Variants in GOLGA7 observed in about 807,000 individuals in gnomAD.
GOLGA7 encodes golgin A7, also known as golgin subfamily A member 7.
In GOLGA7, 10 loss-of-function variants were observed where a neutral mutation model predicts 21.1. The observed-to-expected ratio is 0.47, with a 90% confidence interval of 0.29 to 0.80. GOLGA7 has a LOEUF of 0.80. Among genes scored for constraint, GOLGA7 ranks in the 30% least tolerant of loss-of-function variants. The pLI is 0.08. For missense variants in GOLGA7, 114 were observed against 166.8 expected (o/e 0.68, Z 1.74); for synonymous variants, 64 against 62.6 (o/e 1.02, Z -0.10).
At chr8:41,499,345 A>T (rs369695742) in intron 2 of GOLGA7, among the ~76,000 whole-genome samples, 93 of 152,304 alleles carry the variant, frequency 6.1e-4, no homozygotes, top group African/African-American at 2.2e-3. Context: ...TGTTAGCTCA[A>T]TTAGACCCCT....
Position 41,497,489 on chromosome 8 carries a change from A to T in GOLGA7, c.112-20A>T. 1 of 1,346,646 alleles carries T rather than the reference A, an allele frequency of 7.4e-7. No homozygotes were observed. The highest frequency in any genetic ancestry group is 1.0e-6 in the Non-Finnish European group (1 of 981,204). The allele number at this position is 1,346,646 out of a possible 1,614,324, so 83.4% of individuals were successfully genotyped here. ...TTTTTTTTTCCAAAACTTAATTTTT[A>T]AATATTTTCTTCTCTACAGATTGAT... On this transcript the variant is annotated intron_variant, in intron 1 of 4. Transcript: ENST00000357743.
intron 2 of GOLGA7, among the ~76,000 whole-genome samples, chr8:41,498,410 A>G (rs979904539): frequency 7.9e-5 from 12 of 152,136 alleles, no homozygotes; most frequent in African/African-American, 2.7e-4. Flanking sequence ...CCACTGAGTA[A>G]AATTCAAGGC....
chr8:41,492,812 A>G (rs1228204154), intron 1 of GOLGA7, among the ~76,000 whole-genome samples: 1 of 152,256 alleles, frequency 6.6e-6, no homozygotes, highest in East Asian at 1.9e-4. Context: ...GACATTAAAG[A>G]TTCCTTTGCT....
chr8:41,498,199 A>C (rs1034105239), intron 2 of GOLGA7, among the ~76,000 whole-genome samples: 1 of 152,176 alleles, frequency 6.6e-6, no homozygotes, highest in Non-Finnish European at 1.5e-5. Flanking sequence ...CCAGTCATTA[A>C]CTTTTTGTGA....
chr8:41,508,176 A>G (rs1316838158), intron 4 of GOLGA7, among the ~76,000 whole-genome samples: 1 of 152,244 alleles, frequency 6.6e-6, no homozygotes, highest in Non-Finnish European at 1.5e-5. Flanking sequence ...ACTTCCTCTC[A>G]GTACTTGCAG....
At chr8:41,507,833 T>C (rs1806325112) in intron 4 of GOLGA7, among the ~76,000 whole-genome samples, 1 of 152,210 alleles carries the variant, frequency 6.6e-6, no homozygotes, top group Non-Finnish European at 1.5e-5. Flanking sequence ...CAGAAAGTGT[T>C]CTGCTGCTGC....
At chr8:41,490,551 CT>C, upstream of GOLGA7, 1 of 387,906 alleles carries the variant, frequency 2.6e-6, no homozygotes, top group South Asian at 3.2e-5. Context: ...GGGGAAGAGG[CT>C]TTTTGCGGCA....
At chr8:41,495,278 G>GT (rs892255943) in intron 1 of GOLGA7, among the ~76,000 whole-genome samples, 2 of 148,832 alleles carry the variant, frequency 1.3e-5, no homozygotes, top group Non-Finnish European at 3.0e-5. Flanking sequence ...TATGTTGAGG[G>GT]TTTTTTTTCT....
chr8:41,502,057 C>G (rs1806161931), intron 2 of GOLGA7, among the ~76,000 whole-genome samples: 1 of 152,164 alleles, frequency 6.6e-6, no homozygotes, highest in Non-Finnish European at 1.5e-5. Flanking sequence ...AAATTTAAGG[C>G]ATGGCCACAT....
chr8:41,496,603 G>A (rs750914936), intron 1 of GOLGA7, among the ~76,000 whole-genome samples: 1 of 151,420 alleles, frequency 6.6e-6, no homozygotes, highest in Non-Finnish European at 1.5e-5. Context: ...GAGATAGGCT[G>A]AGTAAACAGA....
At chr8:41,505,497 AG>A (rs1447433995) in intron 2 of GOLGA7, among the ~76,000 whole-genome samples, 2 of 152,356 alleles carry the variant, frequency 1.3e-5, no homozygotes, top group East Asian at 3.9e-4. Flanking sequence ...GTAAAAGGCA[AG>A]GCCAAGAACT....
At chr8:41,497,146 G>A (rs905153376) in intron 1 of GOLGA7, among the ~76,000 whole-genome samples, 1 of 151,066 alleles carries the variant, frequency 6.6e-6, no homozygotes. Context: ...TGCCTGTTCT[G>A]CTTGCATAAT....
intron 1 of GOLGA7, among the ~76,000 whole-genome samples, chr8:41,495,602 T>G (rs773219755): frequency 6.6e-4 from 98 of 148,070 alleles, no homozygotes; most frequent in Non-Finnish European, 1.1e-3. Context: ...TTTTTCTGAG[T>G]CGGTTTCTAT....
At position 41,509,853 on chromosome 8, in the gene GOLGA7, T is replaced by C. The variant is rs1448163951; in HGVS notation, c.*285T>C. ...CTTCACTTTTTTTTATTCAAAGCCATTTAATAAAACACAGTTGGTCAGCCC... is the reference window on the plus strand; with the variant it reads ...CTTCACTTTTTTTTATTCAAAGCCACTTAATAAAACACAGTTGGTCAGCCC... On this transcript the variant is annotated 3_prime_UTR_variant, in exon 5 of 5. Coordinates refer to ENST00000357743, the MANE Select transcript of GOLGA7 (RefSeq NM_001002296.2). 2 of 152,612 alleles carry C rather than the reference T, an allele frequency of 1.3e-5. No homozygotes were observed. The highest frequency in any genetic ancestry group is 4.8e-5 in the African/African-American group (2 of 41,428). 9.5% of individuals were successfully genotyped at this position (152,612 alleles called of 1,614,324 possible). A position where few individuals can be genotyped will look rare whatever the true frequency, so the allele number is the denominator to read the frequency against.
At position 41,506,980 on chromosome 8, in the gene GOLGA7, A is replaced by C. The variant is rs895680017; in HGVS notation, c.367-79A>C. 3.8e-6 allele frequency: 3 copies of C among 779,228 alleles called. No individual in the cohort carries two copies. In the Admixed American group the frequency reaches 5.5e-5, roughly 14 times the overall value. The allele number at this position is 779,228 out of a possible 1,614,324, so 48.3% of individuals were successfully genotyped here. On this transcript the variant is annotated intron_variant, in intron 3 of 4. Transcript: ENST00000357743. ...AGCAAACTGAAAGCAAAGTCTGCAG[A>C]TCACACCCTCCACCTTGCCAAGTCC... is the stretch of plus-strand genomic sequence containing the variant.
At chr8:41,504,115 T>G (rs1585603842) in intron 2 of GOLGA7, among the ~76,000 whole-genome samples, 1 of 19,654 alleles carries the variant, frequency 5.1e-5, no homozygotes. Flanking sequence ...AAACTTAGAG[T>G]ATAATAAAAA....
In GOLGA7 at chr8:41,510,485, A is replaced by ATTT; in HGVS notation, c.*920_*922dup. ...ATAGGAATAATACTGTATATTACTA[A>ATTT]TTTTTAACTATCCCTAAGGCAAACC... On this transcript the variant is annotated 3_prime_UTR_variant, in exon 5 of 5. Coordinates refer to ENST00000357743, the MANE Select transcript of GOLGA7 (RefSeq NM_001002296.2). 1.3e-5 allele frequency: 2 copies of ATTT among 152,758 alleles called. No homozygotes were observed. The highest frequency in any genetic ancestry group is 4.1e-4 in the South Asian group (2 of 4,834). 9.5% of individuals were successfully genotyped at this position (152,758 alleles called of 1,614,324 possible).
chr8:41,504,413 A>G (rs1467716179), intron 2 of GOLGA7, among the ~76,000 whole-genome samples: 1 of 152,122 alleles, frequency 6.6e-6, no homozygotes, highest in African/African-American at 2.4e-5. Context: ...TTAGTTGGGC[A>G]CCTTTATGGG....
rs1402919001 is a variant in GOLGA7 at position 41,510,208 on chromosome 8, A to T, written c.*640A>T. The stretch of plus-strand genomic sequence containing the variant: ...TTTATTATAGCAATTATGCCTAATT[A>T]AAGCAGTATTTAATGCAATTTCCAG... On this transcript the variant is annotated 3_prime_UTR_variant, in exon 5 of 5. Coordinates refer to ENST00000357743, the MANE Select transcript of GOLGA7 (RefSeq NM_001002296.2). The T allele has an allele frequency of 6.6e-6, 1 of 152,646 alleles. No individual in the cohort carries two copies. Among genetic ancestry groups the T allele is most frequent in the Non-Finnish European group, 1.5e-5 (1 of 68,038 alleles). The allele number at this position is 152,646 out of a possible 1,614,324, so 9.5% of individuals were successfully genotyped here. A position where few individuals can be genotyped will look rare whatever the true frequency, so the allele number is the denominator to read the frequency against.
Sources: allele counts gnomAD v4.1 joint callset (sites outside exome capture counted in the v4.1 genomes callset), GRCh38; gene constraint gnomAD v4.1.1; transcripts MANE v1.5; gene names NCBI Gene and HGNC (gene_info 2026-07-23, HGNC 2026-07-21).